ATP8A2: variants seen among roughly 807,000 people sequenced by gnomAD.
ATP8A2 encodes ATPase phospholipid transporting 8A2.
In ATP8A2, 100 loss-of-function variants were observed where a neutral mutation model predicts 165.6. The observed-to-expected ratio is 0.60, with a 90% confidence interval of 0.51 to 0.71. The LOEUF (loss-of-function observed/expected upper bound fraction) is 0.71. Among genes scored for constraint, ATP8A2 ranks in the 30% least tolerant of loss-of-function variants. The pLI, the probability that ATP8A2 is intolerant of heterozygous loss-of-function variation, is 0.00. For synonymous variants in ATP8A2, 543 were observed against 548.8 expected (o/e 0.99, Z 0.15); for missense variants, 1,227 against 1,479.5 (o/e 0.83, Z 2.80).
At chr13:25,607,361 G>A (rs1420034360) in intron 24 of ATP8A2, among the ~76,000 whole-genome samples, 2 of 152,156 alleles carry the variant, frequency 1.3e-5, no homozygotes, top group Non-Finnish European at 2.9e-5. Context: ...CTGATGTACT[G>A]TCAATGATCA....
At chr13:25,876,855 T>C (rs1024470081) in intron 33 of ATP8A2, among the ~76,000 whole-genome samples, 21 of 152,236 alleles carry the variant, frequency 1.4e-4, no homozygotes, top group African/African-American at 4.6e-4. Context: ...TGGGGCATTG[T>C]AATAGTTTTC....
Position 25,804,254 on chromosome 13 carries a change from G to A in ATP8A2, c.2680-23864G>A, listed in dbSNP as rs217902. Among the ~76,000 whole-genome samples the A allele has an allele frequency of 4.7e-3, 708 of 152,202 alleles. 5 individuals are homozygous for A. Among genetic ancestry groups the A allele is most frequent in the African/African-American group, 0.016 (676 of 41,536 alleles). ...GTTTTAATGATATTAATGTACAGTG[G>A]ATTCTTGGCTGTGAAGGAGTGTTAC... On this transcript the variant is annotated intron_variant, in intron 27 of 36. Transcript: ENST00000381655.
chr13:25,971,640 G>A (rs1403387571), intron 35 of ATP8A2, among the ~76,000 whole-genome samples: 2 of 152,074 alleles, frequency 1.3e-5, no homozygotes, highest in African/African-American at 4.8e-5. Flanking sequence ...TGACTTCAGT[G>A]CCAGATGAGC....
At chr13:25,673,547 T>C (rs1039803323) in intron 24 of ATP8A2, among the ~76,000 whole-genome samples, 2 of 152,200 alleles carry the variant, frequency 1.3e-5, no homozygotes, top group African/African-American at 4.8e-5. Context: ...ACTGGCTAAT[T>C]TTCCTTAATT....
intron 25 of ATP8A2, among the ~76,000 whole-genome samples, chr13:25,733,403 G>A (rs1219002682): frequency 6.6e-6 from 1 of 152,030 alleles, no homozygotes; most frequent in South Asian, 2.1e-4. Context: ...CTTTGTGTTC[G>A]CATATACATA....
At chr13:25,396,538 C>T (rs1433126264) in intron 1 of ATP8A2, among the ~76,000 whole-genome samples, 1 of 152,138 alleles carries the variant, frequency 6.6e-6, no homozygotes, top group Admixed American at 6.5e-5. Flanking sequence ...ATTGTTTTCT[C>T]AGTCCCAGCC....
intron 27 of ATP8A2, among the ~76,000 whole-genome samples, chr13:25,815,122 A>T (rs1464567242): frequency 6.6e-6 from 1 of 152,214 alleles, no homozygotes; most frequent in African/African-American, 2.4e-5. Context: ...ATAAGGGGAC[A>T]GTTTCATGAC....
Position 25,760,010 on chromosome 13 carries a change from A to G in ATP8A2, c.2385-9036A>G, listed in dbSNP as rs148423342. On this transcript the variant is annotated intron_variant, in intron 25 of 36. Coordinates refer to ENST00000381655, the MANE Select transcript of ATP8A2 (RefSeq NM_016529.6). The stretch of plus-strand genomic sequence containing the variant: ...TAAATTCTGAACCCCCAAGCAAAGT[A>G]TCCTTATTTCAAAGTGAGCCCTTTC... Among the ~76,000 whole-genome samples, 139 of 152,336 alleles carry G rather than the reference A, an allele frequency of 9.1e-4. 2 individuals are homozygous for G. The highest frequency in any genetic ancestry group is 1.6e-3 in the Non-Finnish European group (112 of 68,036).
intron 24 of ATP8A2, among the ~76,000 whole-genome samples, chr13:25,625,604 C>T (rs913254751): frequency 3.3e-5 from 5 of 152,176 alleles, no homozygotes; most frequent in Non-Finnish European, 7.3e-5. Context: ...ACAGCGTTTG[C>T]CACTGCAGAT....
At chr13:25,486,383 T>C (rs1208097048) in intron 2 of ATP8A2, among the ~76,000 whole-genome samples, 1 of 152,080 alleles carries the variant, frequency 6.6e-6, no homozygotes, top group Admixed American at 6.6e-5. Flanking sequence ...TAGTACTTTT[T>C]ATATAAATAG....
chr13:25,468,231 G>T (rs1194682858), intron 1 of ATP8A2, among the ~76,000 whole-genome samples: 1 of 152,196 alleles, frequency 6.6e-6, no homozygotes, highest in Non-Finnish European at 1.5e-5. Context: ...TCTTGAGCTA[G>T]GCTGGCTTGC....
At chr13:25,673,314 T>C (rs1307242501) in intron 24 of ATP8A2, among the ~76,000 whole-genome samples, 2 of 152,188 alleles carry the variant, frequency 1.3e-5, no homozygotes, top group Admixed American at 1.3e-4. Flanking sequence ...ATGATTCTTG[T>C]TTAACGCCAC....
At chr13:25,496,625 C>T (rs1249766254) in intron 2 of ATP8A2, among the ~76,000 whole-genome samples, 1 of 152,094 alleles carries the variant, frequency 6.6e-6, no homozygotes, top group East Asian at 1.9e-4. Context: ...TTCGGGTTTT[C>T]AGGAAATGTT....
Position 25,667,641 on chromosome 13 carries a change from CTT to C in ATP8A2, c.2212-31522_2212-31521del, listed in dbSNP as rs58560172. ...GCGAAACTGTGGCCTAGATAAGCCT[CTT>C]TTTTTTTTTATAAATTACCCAGTCT... On this transcript the variant is annotated intron_variant, in intron 24 of 36. Transcript: ENST00000381655. Among the ~76,000 whole-genome samples the C allele has an allele frequency of 1.4e-4, 21 of 150,538 alleles. No homozygotes were observed. The South Asian group carries it at 1.5e-3, about 11-fold the overall frequency.
intron 24 of ATP8A2, among the ~76,000 whole-genome samples, chr13:25,613,098 T>C (rs1422865444): frequency 2.6e-5 from 4 of 152,314 alleles, no homozygotes; most frequent in African/African-American, 9.6e-5. Context: ...ATATTTTAGG[T>C]GGAGCATATA....
chr13:25,526,045 A>C (rs1047630661), intron 2 of ATP8A2, among the ~76,000 whole-genome samples: 8 of 151,468 alleles, frequency 5.3e-5, no homozygotes, highest in Non-Finnish European at 1.2e-4. Context: ...CTTTGAGCTC[A>C]TTTATTCTTA....
intron 27 of ATP8A2, among the ~76,000 whole-genome samples, chr13:25,802,347 G>A (rs1052784393): frequency 2.0e-5 from 3 of 152,102 alleles, no homozygotes; most frequent in African/African-American, 7.2e-5. Flanking sequence ...TTGATCATCC[G>A]GGGGTAGGAA....
rs1276578736 is a variant in ATP8A2 at position 25,828,057 on chromosome 13, G to A, written c.2680-61G>A. On this transcript the variant is annotated intron_variant, in intron 27 of 36. Coordinates refer to ENST00000381655, the MANE Select transcript of ATP8A2 (RefSeq NM_016529.6). ...GGTCCACATTCCCGCTACTTCTTCA[G>A]TGAATGGAAACATTTAGGTCAATAT... 22 of 1,371,810 alleles carry A rather than the reference G, an allele frequency of 1.6e-5. No individual in the cohort carries two copies. The East Asian group carries it at 4.3e-4, about 27-fold the overall frequency. 85.0% of individuals were successfully genotyped at this position (1,371,810 alleles called of 1,614,324 possible).
chr13:25,585,141 A>G (rs2138265389), intron 23 of ATP8A2, among the ~76,000 whole-genome samples: 1 of 152,312 alleles, frequency 6.6e-6, no homozygotes, highest in African/African-American at 2.4e-5. Context: ...CATCTTGTGT[A>G]TAGGTTTTAG....
Sources: allele counts gnomAD v4.1 joint callset (sites outside exome capture counted in the v4.1 genomes callset), GRCh38; gene constraint gnomAD v4.1.1; transcripts MANE v1.5; gene names NCBI Gene and HGNC (gene_info 2026-07-23, HGNC 2026-07-21).